The following SYNPR variants were observed in gnomAD, a reference collection of about 807,000 sequenced individuals.
The protein encoded by SYNPR is synaptoporin.
SYNPR carries 23 observed loss-of-function variants against 32.9 expected under a neutral mutation model. That is an observed-to-expected ratio of 0.70 (90% confidence interval 0.50 to 0.99). The LOEUF (loss-of-function observed/expected upper bound fraction) is 0.99. SYNPR is among the 50% of genes least tolerant of loss of function. SYNPR has a pLI of 0.00. For missense variants in SYNPR, 318 were observed against 349.3 expected, an observed-to-expected ratio of 0.91 and a Z score of 0.71; for synonymous variants, 146 against 135.9, an observed-to-expected ratio of 1.07 and a Z score of -0.52.
At chr3:63,315,600 C>T (rs969890647) in intron 2 of SYNPR, among the ~76,000 whole-genome samples, 3 of 151,994 alleles carry the variant, frequency 2.0e-5, no homozygotes, top group Non-Finnish European at 4.4e-5. Context: ...TATCTGGAAA[C>T]TTTGCTGAAT....
intron 2 of SYNPR, among the ~76,000 whole-genome samples, chr3:63,358,300 G>A (rs967369442): frequency 1.3e-5 from 2 of 152,212 alleles, no homozygotes; most frequent in African/African-American, 2.4e-5. Flanking sequence ...GAGACTCTAA[G>A]GGAGAATCTA....
chr3:63,490,022 G>A (rs908799685), intron 3 of SYNPR, among the ~76,000 whole-genome samples: 5 of 152,092 alleles, frequency 3.3e-5, no homozygotes, highest in African/African-American at 9.7e-5. Context: ...AGTCTTGAGA[G>A]GAAATTAGGA....
intron 2 of SYNPR, among the ~76,000 whole-genome samples, chr3:63,311,709 C>G (rs771758114): frequency 2.0e-5 from 3 of 151,968 alleles, no homozygotes; most frequent in African/African-American, 4.8e-5. Flanking sequence ...ATGTATATTT[C>G]TGTACATATG....
intron 4 of SYNPR, among the ~76,000 whole-genome samples, chr3:63,570,622 T>C (rs1702870221): frequency 6.6e-6 from 1 of 152,166 alleles, no homozygotes; most frequent in African/African-American, 2.4e-5. Flanking sequence ...TCTCACAGGC[T>C]ATCTGTTCCA....
At chr3:63,418,668 A>G (rs1032478381) in intron 2 of SYNPR, among the ~76,000 whole-genome samples, 7 of 152,316 alleles carry the variant, frequency 4.6e-5, no homozygotes, top group African/African-American at 1.4e-4. Context: ...CTTACACAAC[A>G]TGGCAGCAGG....
chr3:63,349,776 C>G (rs1482334660), intron 2 of SYNPR, among the ~76,000 whole-genome samples: 1 of 152,080 alleles, frequency 6.6e-6, no homozygotes, highest in East Asian at 1.9e-4. Flanking sequence ...CTCCCTTTGC[C>G]CAGTAGGTGG....
At chr3:63,471,227 C>A (rs893632347) in intron 2 of SYNPR, among the ~76,000 whole-genome samples, 7 of 152,158 alleles carry the variant, frequency 4.6e-5, no homozygotes, top group African/African-American at 7.2e-5. Flanking sequence ...CATTTAAGAG[C>A]ACAGGTAGTT....
rs145695538 is a variant in SYNPR at position 63,412,409 on chromosome 3, C to G, written c.85-68423C>G. On this transcript the variant is annotated intron_variant, in intron 2 of 5. Transcript: ENST00000478300. Reference sequence around the variant, plus strand: ...TCAAGCTCAAGTTTGGAACATTCATCTATTTATTCCATGCAGTTTTGTCAA... The same window carrying G: ...TCAAGCTCAAGTTTGGAACATTCATGTATTTATTCCATGCAGTTTTGTCAA... Among the ~76,000 whole-genome samples the G allele has an allele frequency of 3.0e-3, 456 of 152,268 alleles. 1 individual carries two copies. The highest frequency in any genetic ancestry group is 1.0e-2 in the African/African-American group (414 of 41,560).
At chr3:63,598,391 AG>A (rs963294030) in intron 4 of SYNPR, among the ~76,000 whole-genome samples, 9 of 152,208 alleles carry the variant, frequency 5.9e-5, no homozygotes, top group African/African-American at 2.2e-4. Flanking sequence ...ACTTATGAAA[AG>A]TGAGGGCAAC....
At chr3:63,400,513 G>T (rs2088276917) in intron 2 of SYNPR, among the ~76,000 whole-genome samples, 1 of 152,222 alleles carries the variant, frequency 6.6e-6, no homozygotes, top group South Asian at 2.1e-4. Context: ...CCACAAGGCT[G>T]CTTGTATGTC....
intron 2 of SYNPR, among the ~76,000 whole-genome samples, chr3:63,456,434 A>T (rs1412710253): frequency 6.6e-6 from 1 of 152,050 alleles, no homozygotes; most frequent in Non-Finnish European, 1.5e-5. Flanking sequence ...GGTCATAAGG[A>T]TATGGGAATG....
At chr3:63,562,128 T>A (rs772257346) in intron 4 of SYNPR, among the ~76,000 whole-genome samples, 15 of 152,190 alleles carry the variant, frequency 9.9e-5, no homozygotes, top group Non-Finnish European at 1.6e-4. Flanking sequence ...AAATGTCATA[T>A]CAGGTTATAT....
intron 4 of SYNPR, among the ~76,000 whole-genome samples, chr3:63,587,393 G>C (rs1703206174): frequency 6.6e-6 from 1 of 152,088 alleles, no homozygotes; most frequent in Non-Finnish European, 1.5e-5. Context: ...CATCAGGTTT[G>C]CTTCTTCATT....
At chr3:63,513,033 G>C (rs909139213) in intron 3 of SYNPR, among the ~76,000 whole-genome samples, 2 of 151,984 alleles carry the variant, frequency 1.3e-5, no homozygotes, top group Admixed American at 6.6e-5. Flanking sequence ...CAGGCAAGGG[G>C]GATTAAGAGA....
intron 2 of SYNPR, among the ~76,000 whole-genome samples, chr3:63,367,355 T>TTATG (rs1389298733): frequency 2.6e-5 from 4 of 151,678 alleles, no homozygotes; most frequent in South Asian, 4.1e-4. Flanking sequence ...ATTTATTTAT[T>TTATG]TATTTATTTA....
At position 63,609,005 on chromosome 3, in the gene SYNPR, C is replaced by T. The variant is rs977506748; in HGVS notation, c.409-120C>T. 1.6e-5 allele frequency: 12 copies of T among 746,144 alleles called. No homozygotes were observed. In the African/African-American group the frequency reaches 2.2e-4, roughly 14 times the overall value. 46.2% of individuals were successfully genotyped at this position (746,144 alleles called of 1,614,324 possible). Reference sequence around the variant, plus strand: ...TTTTTCTAAATGTTTTCCTTGTTTCCAGTGCTATGGGATCTTAAAATTTTC... The same window carrying T: ...TTTTTCTAAATGTTTTCCTTGTTTCTAGTGCTATGGGATCTTAAAATTTTC... On this transcript the variant is annotated intron_variant, in intron 4 of 5. Coordinates refer to ENST00000478300, the MANE Select transcript of SYNPR (RefSeq NM_001130003.2).
At chr3:63,403,981 A>G (rs937170583) in intron 2 of SYNPR, among the ~76,000 whole-genome samples, 9 of 152,204 alleles carry the variant, frequency 5.9e-5, no homozygotes, top group African/African-American at 2.2e-4. Context: ...GGTTCAATTT[A>G]TCAGTTGATA....
intron 2 of SYNPR, among the ~76,000 whole-genome samples, chr3:63,281,418 C>A (rs1049046281): frequency 6.6e-6 from 1 of 152,130 alleles, no homozygotes; most frequent in Non-Finnish European, 1.5e-5. Context: ...TTGGGGGTTG[C>A]TATAACAAAA....
At chr3:63,550,391 TTG>T (rs532958394) in intron 3 of SYNPR, among the ~76,000 whole-genome samples, 7 of 150,604 alleles carry the variant, frequency 4.6e-5, no homozygotes, top group South Asian at 4.2e-4. Flanking sequence ...ACACGTGTGT[TTG>T]TGTGTGTGTG....
Sources: gnomAD v4.1 joint callset for allele counts (sites outside exome capture counted in the v4.1 genomes callset) on GRCh38, gnomAD v4.1.1 for gene constraint, MANE v1.5 for transcripts, NCBI Gene and HGNC (gene_info 2026-07-23, HGNC 2026-07-21) for gene names.